Variants in UTS2B observed in about 807,000 individuals in gnomAD.
UTS2B encodes the protein urotensin 2B.
A neutral mutation model predicts 19.2 loss-of-function variants in UTS2B; 21 were observed. The observed-to-expected ratio is 1.09, with a 90% confidence interval of 0.78 to 1.58. The LOEUF (loss-of-function observed/expected upper bound fraction) is 1.58, where lower values mean the gene tolerates loss of function less well. Among genes scored for constraint, UTS2B ranks in the 40% most tolerant of loss-of-function variants. UTS2B has a pLI of 0.00. For missense variants in UTS2B, 138 were observed against 130.3 expected (o/e 1.06, Z -0.29); for synonymous variants, 57 against 50.2 (o/e 1.14, Z -0.58).
intron 2 of UTS2B, among the ~76,000 whole-genome samples, chr3:191,325,958 T>C (rs1421395860): frequency 6.6e-6 from 1 of 152,222 alleles, no homozygotes; most frequent in Non-Finnish European, 1.5e-5. Context: ...AGAATATTCA[T>C]ACAGTCTTCT....
intron 4 of UTS2B, among the ~76,000 whole-genome samples, chr3:191,301,047 C>T (rs1205143488): frequency 6.6e-6 from 1 of 152,136 alleles, no homozygotes; most frequent in African/African-American, 2.4e-5. Context: ...TCCATTTTAT[C>T]ACTTTTTCTT....
At chr3:191,274,831 C>G (rs1245437674) in intron 8 of UTS2B, among the ~76,000 whole-genome samples, 1 of 152,124 alleles carries the variant, frequency 6.6e-6, no homozygotes, top group Admixed American at 6.5e-5. Flanking sequence ...AAAAAGTAAT[C>G]TTTCTAAAAT....
the UTS2B span, among the ~76,000 whole-genome samples, chr3:191,341,085 A>G: frequency 5.9e-5 from 9 of 151,834 alleles, no homozygotes; most frequent in Non-Finnish European, 1.0e-4. Flanking sequence ...CTTAGCCTGC[A>G]CTGGGATCAT....
intron 4 of UTS2B, among the ~76,000 whole-genome samples, chr3:191,287,547 A>G (rs942193354): frequency 2.1e-4 from 32 of 152,014 alleles, no homozygotes; most frequent in African/African-American, 6.3e-4. Context: ...TAAAATGTAT[A>G]TGATAAAAAC....
chr3:191,317,337 A>G (rs1210690605), intron 2 of UTS2B, among the ~76,000 whole-genome samples: 2 of 152,164 alleles, frequency 1.3e-5, no homozygotes, highest in Non-Finnish European at 2.9e-5. Context: ...AACTCGTGCT[A>G]GCCCGCAAGC....
At chr3:191,320,754 A>G (rs13317391) in intron 2 of UTS2B, among the ~76,000 whole-genome samples, 1,623 of 152,366 alleles carry the variant, frequency 0.011, 29 homozygotes, top group African/African-American at 0.036. Context: ...GTAAAGAATA[A>G]ATGACTGTAA....
chr3:191,317,423 C>T (rs1717493108), intron 2 of UTS2B, among the ~76,000 whole-genome samples: 1 of 152,148 alleles, frequency 6.6e-6, no homozygotes, highest in African/African-American at 2.4e-5. Context: ...TGGCTCCGGC[C>T]TTGGCCAGCC....
At chr3:191,272,815 A>G (rs1470614311) in intron 8 of UTS2B, among the ~76,000 whole-genome samples, 4 of 146,508 alleles carry the variant, frequency 2.7e-5, no homozygotes, top group Non-Finnish European at 3.0e-5. Context: ...GAGCCGAGGT[A>G]GCGTGCCATT....
intron 4 of UTS2B, among the ~76,000 whole-genome samples, chr3:191,302,902 T>C (rs1002789196): frequency 6.6e-6 from 1 of 152,204 alleles, no homozygotes; most frequent in Non-Finnish European, 1.5e-5. Flanking sequence ...AGAGGCTCTC[T>C]CTAAAGTTCC....
intron 3 of UTS2B, among the ~76,000 whole-genome samples, chr3:191,311,444 CCTGT>C (rs1576931383): frequency 6.6e-6 from 1 of 152,230 alleles, no homozygotes; most frequent in African/African-American, 2.4e-5. Flanking sequence ...TCTCTCTCCA[CCTGT>C]CTGTCATCCC....
At chr3:191,339,535 T>G in the UTS2B span, among the ~76,000 whole-genome samples, 16 of 152,152 alleles carry the variant, frequency 1.1e-4, no homozygotes, top group Non-Finnish European at 2.2e-4. Flanking sequence ...CCAAGCAAAC[T>G]GTAGGTTGTA....
At chr3:191,341,958 A>AT in the UTS2B span, among the ~76,000 whole-genome samples, 1 of 152,204 alleles carries the variant, frequency 6.6e-6, no homozygotes, top group African/African-American at 2.4e-5. Flanking sequence ...AATTAGGCAG[A>AT]TATAGCTCCT....
At chr3:191,280,323 T>C (rs58215611) in intron 5 of UTS2B, among the ~76,000 whole-genome samples, 5,539 of 152,242 alleles carry the variant, frequency 0.036, 315 homozygotes, top group African/African-American at 0.12. Flanking sequence ...GGCACACTTT[T>C]ATATGGTCCC....
chr3:191,316,662 G>C (rs1355773023), intron 2 of UTS2B, among the ~76,000 whole-genome samples: 3 of 152,238 alleles, frequency 2.0e-5, no homozygotes, highest in African/African-American at 7.2e-5. Flanking sequence ...GCTAGACACA[G>C]AGTGCTGGTT....
intron 8 of UTS2B, among the ~76,000 whole-genome samples, chr3:191,268,953 A>G (rs1175535379): frequency 1.3e-5 from 2 of 152,232 alleles, no homozygotes; most frequent in Admixed American, 6.5e-5. Flanking sequence ...ATATTTAAAT[A>G]ACTTCATTTG....
chr3:191,336,742 T>C, the UTS2B span, among the ~76,000 whole-genome samples: 1 of 152,188 alleles, frequency 6.6e-6, no homozygotes, highest in African/African-American at 2.4e-5. Flanking sequence ...ACTTATGCAA[T>C]TACATTTGGA....
intron 4 of UTS2B, among the ~76,000 whole-genome samples, chr3:191,288,542 A>C (rs911235306): frequency 6.6e-6 from 1 of 152,216 alleles, no homozygotes; most frequent in African/African-American, 2.4e-5. Context: ...CTTTTCAATA[A>C]GTGGTGTCAA....
chr3:191,305,847 G>C (rs1717123108), intron 3 of UTS2B, among the ~76,000 whole-genome samples: 1 of 152,174 alleles, frequency 6.6e-6, no homozygotes, highest in Admixed American at 6.5e-5. Flanking sequence ...TGTGTACGCA[G>C]TAAGGAAGGG....
rs576456373 is a variant in UTS2B, at chr3:191,311,877, C to T, written c.-182+4159G>A. On this transcript the variant is annotated intron_variant, in intron 3 of 8. Transcript: ENST00000340524. ...CATCTTGGCCAAGTGCAGTGGCTCA[C>T]GCCTGTAATCCCAGCACTTTGGGAG... Among the ~76,000 whole-genome samples, 6 of 152,186 alleles carry T rather than the reference C, an allele frequency of 3.9e-5. No homozygotes were observed. In the South Asian group the frequency reaches 8.3e-4, roughly 21 times the overall value.
Sources: allele counts gnomAD v4.1 joint callset (sites outside exome capture counted in the v4.1 genomes callset), GRCh38; gene constraint gnomAD v4.1.1; transcripts MANE v1.5; gene names NCBI Gene and HGNC (gene_info 2026-07-23, HGNC 2026-07-21).